Variants in NXPH1 observed in about 807,000 individuals in gnomAD.
NXPH1 encodes neurexophilin-1.
In NXPH1, 5 loss-of-function variants were observed where a neutral mutation model predicts 23.7. The observed-to-expected ratio is 0.21, with a 90% CI of 0.11 to 0.44. The LOEUF (loss-of-function observed/expected upper bound fraction) is 0.44, where lower values mean the gene tolerates loss of function less well. Ranked by LOEUF, NXPH1 falls within the 20% of genes least tolerant of loss-of-function variation. The pLI is 0.99. For missense variants in NXPH1, 324 were observed against 321.6 expected, an observed-to-expected ratio of 1.01 and a Z score of -0.06; for synonymous variants, 144 against 122.2, an observed-to-expected ratio of 1.18 and a Z score of -1.18.
intron 2 of NXPH1, among the ~76,000 whole-genome samples, chr7:8,725,097 G>C (rs1379041499): frequency 1.3e-5 from 2 of 152,206 alleles, no homozygotes; most frequent in Non-Finnish European, 2.9e-5. Context: ...TTAGGGAAGA[G>C]CTTTTTAAAA....
At chr7:8,535,484 G>T (rs1382241584) in intron 2 of NXPH1, among the ~76,000 whole-genome samples, 1 of 151,860 alleles carries the variant, frequency 6.6e-6, no homozygotes, top group Admixed American at 6.6e-5. Flanking sequence ...ATGGATATGT[G>T]CTGACACTGT....
At chr7:8,517,850 A>G (rs910971950) in intron 2 of NXPH1, among the ~76,000 whole-genome samples, 1 of 152,202 alleles carries the variant, frequency 6.6e-6, no homozygotes, top group Non-Finnish European at 1.5e-5. Flanking sequence ...AATCCCTGAC[A>G]TCTCTGAAGA....
chr7:8,633,156 G>A (rs531375616), intron 2 of NXPH1, among the ~76,000 whole-genome samples: 1 of 152,314 alleles, frequency 6.6e-6, no homozygotes, highest in African/African-American at 2.4e-5. Flanking sequence ...TAACAGGCCG[G>A]GCATGGTGGC....
At chr7:8,586,420 T>C (rs997515556) in intron 2 of NXPH1, among the ~76,000 whole-genome samples, 9 of 152,066 alleles carry the variant, frequency 5.9e-5, no homozygotes, top group African/African-American at 9.6e-5. Flanking sequence ...CAGTGCCAAA[T>C]TGATTGCTGG....
chr7:8,620,142 T>C lies in NXPH1; in HGVS notation c.55-130866T>C, dbSNP rs989408334. On this transcript the variant is annotated intron_variant, in intron 2 of 2. Transcript: ENST00000405863. ...GCAACACAGAACTACTATTATCTTC[T>C]GTGTACCTCGACATTGAAAAAACAC... is the stretch of plus-strand genomic sequence containing the variant. 1.3e-5 allele frequency among the ~76,000 whole-genome samples: 2 copies of C among 149,838 alleles called. 1 individual carries two copies. The highest frequency in any genetic ancestry group is 4.2e-4 in the South Asian group (2 of 4,796).
chr7:8,638,335 G>A (rs192967420), intron 2 of NXPH1, among the ~76,000 whole-genome samples: 3 of 152,296 alleles, frequency 2.0e-5, no homozygotes, highest in East Asian at 1.9e-4. Context: ...CCACCAGCCC[G>A]TAGATGCTCC....
intron 2 of NXPH1, among the ~76,000 whole-genome samples, chr7:8,608,010 C>A (rs1409709387): frequency 6.6e-6 from 1 of 152,190 alleles, no homozygotes; most frequent in Non-Finnish European, 1.5e-5. Context: ...TTGGTGGTGA[C>A]CACCAGAAAC....
At chr7:8,563,576 T>C (rs890450913) in intron 2 of NXPH1, among the ~76,000 whole-genome samples, 2 of 151,658 alleles carry the variant, frequency 1.3e-5, no homozygotes, top group African/African-American at 2.4e-5. Context: ...CTATGAGCAA[T>C]AAGGTGTGAA....
At chr7:8,703,150 C>A (rs1338199160) in intron 2 of NXPH1, among the ~76,000 whole-genome samples, 1 of 152,106 alleles carries the variant, frequency 6.6e-6, no homozygotes, top group Non-Finnish European at 1.5e-5. Context: ...AAATCAGCCT[C>A]ATCATACTTC....
At chr7:8,646,408 G>A (rs11980578) in intron 2 of NXPH1, among the ~76,000 whole-genome samples, 99,257 of 151,446 alleles carry the variant, frequency 0.66, 32,870 homozygotes, top group East Asian at 0.83. Context: ...CAATTTGTAC[G>A]TAATGACAAT....
intron 2 of NXPH1, among the ~76,000 whole-genome samples, chr7:8,594,842 T>C (rs1198870136): frequency 6.6e-6 from 1 of 152,078 alleles, no homozygotes; most frequent in African/African-American, 2.4e-5. Context: ...TATTGTCTTG[T>C]GTAGGCTCAG....
At chr7:8,735,628 G>T (rs1780237776) in intron 2 of NXPH1, among the ~76,000 whole-genome samples, 1 of 152,106 alleles carries the variant, frequency 6.6e-6, no homozygotes, top group Non-Finnish European at 1.5e-5. Context: ...CCAGGTTTTG[G>T]TACCAGGATG....
intron 2 of NXPH1, among the ~76,000 whole-genome samples, chr7:8,444,601 T>C (rs986311353): frequency 2.6e-5 from 4 of 152,240 alleles, no homozygotes; most frequent in African/African-American, 9.6e-5. Flanking sequence ...GAAACTTGTA[T>C]TCCTGTACAG....
intron 2 of NXPH1, among the ~76,000 whole-genome samples, chr7:8,567,632 C>T (rs369848176): frequency 3.3e-5 from 5 of 151,822 alleles, no homozygotes; most frequent in African/African-American, 4.8e-5. Flanking sequence ...TAGACTTATG[C>T]CACATCTTTT....
intron 2 of NXPH1, among the ~76,000 whole-genome samples, chr7:8,462,832 C>G (rs1374171114): frequency 6.6e-6 from 1 of 152,182 alleles, no homozygotes; most frequent in Admixed American, 6.5e-5. Flanking sequence ...ATCTGTGTAT[C>G]ATTTTGCATT....
intron 2 of NXPH1, among the ~76,000 whole-genome samples, chr7:8,723,707 T>C (rs773004755): frequency 2.6e-5 from 4 of 152,208 alleles, no homozygotes; most frequent in Non-Finnish European, 5.9e-5. Context: ...GAAGGATTTG[T>C]ATAGGGTGCT....
intron 2 of NXPH1, among the ~76,000 whole-genome samples, chr7:8,515,907 C>A (rs1264730796): frequency 6.6e-6 from 1 of 152,092 alleles, no homozygotes; most frequent in East Asian, 1.9e-4. Context: ...TCTTACCTAA[C>A]TCTAAATCTT....
chr7:8,542,771 T>A (rs1383091896), intron 2 of NXPH1, among the ~76,000 whole-genome samples: 1 of 151,470 alleles, frequency 6.6e-6, no homozygotes, highest in Non-Finnish European at 1.5e-5. Flanking sequence ...GGAGGAAAAA[T>A]TATTATGTTA....
chr7:8,541,755 T>C (rs1206470689), intron 2 of NXPH1, among the ~76,000 whole-genome samples: 1 of 151,588 alleles, frequency 6.6e-6, no homozygotes, highest in Non-Finnish European at 1.5e-5. Flanking sequence ...TATATTAATA[T>C]AAGGTTTTTA....
Sources: allele counts gnomAD v4.1 joint callset (sites outside exome capture counted in the v4.1 genomes callset), GRCh38; gene constraint gnomAD v4.1.1; transcripts MANE v1.5; gene names NCBI Gene and HGNC (gene_info 2026-07-23, HGNC 2026-07-21).